The following EEFSEC variants were observed in gnomAD, a reference collection of about 807,000 sequenced individuals.
EEFSEC encodes selenocysteine-specific elongation factor.
Under a neutral mutation model 42.1 loss-of-function variants are expected in EEFSEC, and 43 were observed. The observed-to-expected ratio is 1.02, with a 90% CI of 0.80 to 1.32. The LOEUF is 1.32. Among genes scored for constraint, EEFSEC ranks in the 40% most tolerant of loss-of-function variants. The pLI is 0.00. For synonymous variants in EEFSEC, 354 were observed against 339.1 expected (o/e 1.04, Z -0.48); for missense variants, 745 against 803.6 (o/e 0.93, Z 0.88).
chr3:128,180,297 C>T (rs540403380), intron 1 of EEFSEC, among the ~76,000 whole-genome samples: 1 of 152,288 alleles, frequency 6.6e-6, no homozygotes, highest in South Asian at 2.1e-4. Context: ...ACACTCCATC[C>T]GAGTTGCTGT....
intron 2 of EEFSEC, among the ~76,000 whole-genome samples, chr3:128,259,612 C>G (rs1010972554): frequency 1.3e-5 from 2 of 152,094 alleles, no homozygotes; most frequent in Non-Finnish European, 2.9e-5. Context: ...TTTTCATTAC[C>G]CCAACAGGAA....
Position 128,317,674 on chromosome 3 carries a change from A to T in EEFSEC, c.787-23559A>T, listed in dbSNP as rs545244859. 6.6e-6 allele frequency among the ~76,000 whole-genome samples: 1 copy of T among 152,210 alleles called. No homozygotes were observed. Among genetic ancestry groups the T allele is most frequent in the South Asian group, 2.1e-4 (1 of 4,818 alleles). ...AGGAGAGTTCCAGCTCCTTGGCCTG[A>T]CCCTCGGGCTTTGCACTGCCTGGCT... On this transcript the variant is annotated intron_variant, in intron 4 of 6. Transcript: ENST00000254730. The surrounding 1 kb of genome is among the most constrained non-coding windows in gnomAD (Gnocchi z 4.1).
intron 1 of EEFSEC, among the ~76,000 whole-genome samples, chr3:128,223,421 G>T (rs1243428218): frequency 6.6e-6 from 1 of 152,204 alleles, no homozygotes; most frequent in Non-Finnish European, 1.5e-5. Flanking sequence ...AGAAGTGTGG[G>T]TGGCCTAGGG....
intron 1 of EEFSEC, among the ~76,000 whole-genome samples, chr3:128,202,426 T>C (rs1243541053): frequency 6.6e-6 from 1 of 152,232 alleles, no homozygotes; most frequent in East Asian, 1.9e-4. Context: ...ATTTTGATGC[T>C]ATCATAAATG....
At position 128,153,642 on chromosome 3, in the gene EEFSEC, C is replaced by A; in HGVS notation, c.135C>A (p.Arg45=). ...ACAAGCAGCCGCAGAGCCGCGAGCGCGGCATCACGCTCGATCTGGGCTTCT... is the reference window on the plus strand; with the variant it reads ...ACAAGCAGCCGCAGAGCCGCGAGCGAGGCATCACGCTCGATCTGGGCTTCT... ...AFDKQPQSRE[R]GITLDLGFSC... Residue 45 remains arginine, a synonymous_variant, in exon 1 of 7, where the codon CGC becomes CGA. Coordinates refer to ENST00000254730, the MANE Select transcript of EEFSEC (RefSeq NM_021937.5). 1.3e-6 allele frequency: 2 copies of A among 1,598,354 alleles called. No individual in the cohort carries two copies. Among genetic ancestry groups the A allele is most frequent in the Non-Finnish European group, 1.7e-6 (2 of 1,178,050 alleles).
rs1428410601 is a variant in EEFSEC, at chr3:128,369,106, A to G, written c.1600+10733A>G. On this transcript the variant is annotated intron_variant, in intron 6 of 6. Transcript: ENST00000254730. ...CCATCGCCCTGTTTCTCCCAAAGGC[A>G]CTGTGAGGCTCAGAGGAGCTAGATG... is the stretch of plus-strand genomic sequence containing the variant. Among the ~76,000 whole-genome samples the G allele has an allele frequency of 3.3e-5, 5 of 152,230 alleles. No homozygotes were observed. The East Asian group carries it at 5.8e-4, about 18-fold the overall frequency.
chr3:128,417,113 C>T, the EEFSEC span, among the ~76,000 whole-genome samples: 1 of 152,124 alleles, frequency 6.6e-6, no homozygotes, highest in Non-Finnish European at 1.5e-5. This position sits in a 1 kb window ranked among gnomAD's most constrained non-coding sequence, Gnocchi z 4.3. Context: ...GACCCAATCA[C>T]CTCCTGCTTG....
At chr3:128,384,445 A>G (rs1267021708) in intron 6 of EEFSEC, among the ~76,000 whole-genome samples, 1 of 152,250 alleles carries the variant, frequency 6.6e-6, no homozygotes, top group Non-Finnish European at 1.5e-5. Context: ...TGAGCAGACC[A>G]GAGCAGAGTG....
intron 1 of EEFSEC, among the ~76,000 whole-genome samples, chr3:128,167,613 T>C (rs2065254051): frequency 6.6e-6 from 1 of 152,212 alleles, no homozygotes; most frequent in Admixed American, 6.5e-5. Flanking sequence ...TGATGGTTAA[T>C]TTCGTGGCCC....
intron 4 of EEFSEC, among the ~76,000 whole-genome samples, chr3:128,284,125 C>T (rs2066558378): frequency 6.6e-6 from 1 of 152,142 alleles, no homozygotes; most frequent in South Asian, 2.1e-4. Flanking sequence ...CAGCCCTCCA[C>T]CCCCCACACA....
intron 5 of EEFSEC, among the ~76,000 whole-genome samples, chr3:128,352,876 C>A (rs151248732): frequency 4.6e-5 from 7 of 152,380 alleles, no homozygotes; most frequent in Non-Finnish European, 8.8e-5. Flanking sequence ...CCTAGGCACC[C>A]AGACTTGGGA....
At chr3:128,410,949 G>T (rs148843814), downstream of EEFSEC, among the ~76,000 whole-genome samples, 2 of 152,352 alleles carry the variant, frequency 1.3e-5, no homozygotes, top group African/African-American at 4.8e-5. Flanking sequence ...GGGAGGAGGG[G>T]CAGCCCAGGG....
intron 5 of EEFSEC, among the ~76,000 whole-genome samples, chr3:128,351,726 A>AG (rs1046065835): frequency 1.1e-4 from 16 of 152,242 alleles, no homozygotes; most frequent in Non-Finnish European, 2.1e-4. Context: ...CTCAAAGGCC[A>AG]GGGACAATGG....
intron 1 of EEFSEC, among the ~76,000 whole-genome samples, chr3:128,241,981 A>G (rs2066076092): frequency 6.6e-6 from 1 of 152,230 alleles, no homozygotes; most frequent in South Asian, 2.1e-4. Context: ...GATAAAATGT[A>G]TTTACATTGT....
At chr3:128,358,527 T>C (rs1051506808) in intron 6 of EEFSEC, among the ~76,000 whole-genome samples, 154 bp downstream of exon 6, 3 of 152,230 alleles carry the variant, frequency 2.0e-5, no homozygotes, top group African/African-American at 7.2e-5. Context: ...GCATGGCCTC[T>C]GGCTGGGAAG....
intron 2 of EEFSEC, among the ~76,000 whole-genome samples, chr3:128,252,186 A>G (rs2066194480): frequency 2.0e-5 from 3 of 152,106 alleles, no homozygotes; most frequent in African/African-American, 7.2e-5. Context: ...TCTGGAGCCC[A>G]CCAGGGACTC....
At position 128,353,944 on chromosome 3, in the gene EEFSEC, G is replaced by A. The variant is rs548180301; in HGVS notation, c.1444-4273G>A. Among the ~76,000 whole-genome samples, 290 of 152,310 alleles carry A rather than the reference G, an allele frequency of 1.9e-3. 2 individuals carry two copies. The highest frequency in any genetic ancestry group is 3.8e-3 in the Admixed American group (58 of 15,308). On this transcript the variant is annotated intron_variant, in intron 5 of 6. Coordinates refer to ENST00000254730, the MANE Select transcript of EEFSEC (RefSeq NM_021937.5). ...TGGGAAAGGGGTGAGAGAGCAGAGT[G>A]CGAAGGATTGGGAGAGTTGGAGGGA...
intron 2 of EEFSEC, among the ~76,000 whole-genome samples, chr3:128,258,279 T>C (rs1559889822): frequency 1.4e-4 from 21 of 152,150 alleles, no homozygotes; most frequent in Admixed American, 1.3e-3. Context: ...ATCTTCCAGG[T>C]CAGTGTCCCT....
chr3:128,234,413 A>G (rs1233451278), intron 1 of EEFSEC, among the ~76,000 whole-genome samples: 3 of 152,178 alleles, frequency 2.0e-5, no homozygotes, highest in African/African-American at 7.2e-5. Flanking sequence ...GAAAGGCTCT[A>G]AGAATAGTAC....
Sources: allele counts gnomAD v4.1 joint callset (sites outside exome capture counted in the v4.1 genomes callset), GRCh38; gene constraint gnomAD v4.1.1; non-coding constraint Gnocchi (gnomAD v3.1); transcripts MANE v1.5; gene names NCBI Gene and HGNC (gene_info 2026-07-23, HGNC 2026-07-21).